EDA: variants seen among roughly 807,000 people sequenced by gnomAD.
The protein encoded by EDA is ectodysplasin A.
EDA carries 2 observed loss-of-function variants against 23.6 expected under a neutral mutation model. The ratio of observed to expected loss-of-function variants is 0.08; its 90% CI spans 0.03 to 0.27. The LOEUF (loss-of-function observed/expected upper bound fraction) is 0.27, where lower values mean the gene tolerates loss of function less well. Ranked by LOEUF, EDA falls within the 10% of genes least tolerant of loss-of-function variation. The pLI, the probability that EDA is intolerant of heterozygous loss-of-function variation, is 1.00. For missense variants in EDA, 229 were observed against 324.2 expected (o/e 0.71, Z 2.26); for synonymous variants, 131 against 132.0 (o/e 0.99, Z 0.05).
At chrX:69,932,928 T>TA (rs2018619029) in intron 1 of EDA, among the ~76,000 whole-genome samples, 1 of 109,828 alleles carries the variant, frequency 9.1e-6, no homozygotes, top group Non-Finnish European at 1.9e-5. Context: ...TGATGCTTTT[T>TA]AGTTCCTCTT....
intron 1 of EDA, among the ~76,000 whole-genome samples, chrX:69,932,131 A>C (rs1290596722): frequency 8.9e-6 from 1 of 111,801 alleles, no homozygotes. Context: ...CTAGAAAATG[A>C]AAACTGATCT....
intron 1 of EDA, among the ~76,000 whole-genome samples, chrX:69,910,159 A>G (rs2018238014): frequency 9.1e-6 from 1 of 109,740 alleles, no homozygotes; most frequent in Non-Finnish European, 1.9e-5. Context: ...GGTTTTTTTA[A>G]TTAATTATTT....
chrX:69,872,988 A>G (rs1477275673), intron 1 of EDA, among the ~76,000 whole-genome samples: 2 of 111,622 alleles, frequency 1.8e-5, no homozygotes, highest in African/African-American at 3.3e-5. Context: ...AAGATAGACC[A>G]TATGATAGGC....
intron 1 of EDA, among the ~76,000 whole-genome samples, chrX:69,756,719 G>A (rs893687105): frequency 6.3e-5 from 7 of 111,868 alleles, no homozygotes; most frequent in African/African-American, 1.3e-4. Flanking sequence ...TATTTCCCCC[G>A]TCTCTTGAAT....
chrX:70,022,816 C>T (rs746959767), intron 2 of EDA: 1 of 119,394 alleles, frequency 8.4e-6, no homozygotes, highest in Non-Finnish European at 1.8e-5. Flanking sequence ...TTGCTCCTTC[C>T]AAGTTCAACA....
intron 1 of EDA, among the ~76,000 whole-genome samples, chrX:69,956,488 C>G (rs2019009148): frequency 9.2e-6 from 1 of 108,489 alleles, no homozygotes; most frequent in South Asian, 4.0e-4. Flanking sequence ...ATTATAGGCA[C>G]CCCCCACCAC....
At chrX:69,759,427 T>A (rs778530563) in intron 1 of EDA, among the ~76,000 whole-genome samples, 30 of 112,173 alleles carry the variant, frequency 2.7e-4, no homozygotes, top group African/African-American at 9.7e-4. Flanking sequence ...TGCTAATTTT[T>A]TACTTTAAAA....
At chrX:69,791,383 CA>C (rs1180452927) in intron 1 of EDA, among the ~76,000 whole-genome samples, 33 of 110,839 alleles carry the variant, frequency 3.0e-4, no homozygotes, top group African/African-American at 9.8e-4. Context: ...TTTTGAAATA[CA>C]AAAAAATTTG....
chrX:69,692,477 A>T (rs1372202933), intron 1 of EDA, among the ~76,000 whole-genome samples: 1 of 111,870 alleles, frequency 8.9e-6, no homozygotes, highest in Non-Finnish European at 1.9e-5. Context: ...TGAATGAATG[A>T]GAAAAATTCA....
chrX:69,766,227 T>G (rs1264327865), intron 1 of EDA, among the ~76,000 whole-genome samples: 1 of 111,859 alleles, frequency 8.9e-6, no homozygotes, highest in Non-Finnish European at 1.9e-5. Flanking sequence ...GGCAAGTATA[T>G]TTTTTCAGTT....
chrX:69,919,762 T>C (rs769969627), intron 1 of EDA, among the ~76,000 whole-genome samples: 16 of 112,223 alleles, frequency 1.4e-4, no homozygotes, highest in Non-Finnish European at 2.3e-4. Context: ...TAATAAACTT[T>C]CAAATTATAT....
chrX:69,846,392 T>A (rs1272104248), intron 1 of EDA, among the ~76,000 whole-genome samples: 1 of 110,925 alleles, frequency 9.0e-6, no homozygotes, highest in Non-Finnish European at 1.9e-5. Context: ...CCTCCTGGGC[T>A]CAAGTGATTC....
At chrX:69,633,775 A>G (rs1932694538) in intron 1 of EDA, among the ~76,000 whole-genome samples, 1 of 112,293 alleles carries the variant, frequency 8.9e-6, no homozygotes, top group African/African-American at 3.2e-5. Flanking sequence ...TGAACATTTG[A>G]GTTGTTTCCA....
intron 1 of EDA, chrX:69,670,369 C>A: frequency 6.3e-6 from 2 of 317,500 alleles, no homozygotes; most frequent in Non-Finnish European, 5.5e-6. Context: ...TGATAGTGTA[C>A]CTTAGAGAGG....
intron 2 of EDA, among the ~76,000 whole-genome samples, chrX:70,006,217 C>G (rs1046289151): frequency 8.9e-6 from 1 of 111,994 alleles, no homozygotes; most frequent in Non-Finnish European, 1.9e-5. Flanking sequence ...AAGTTTTCAG[C>G]ACATTTGGGT....
At chrX:69,864,630 A>T (rs927831241) in intron 1 of EDA, among the ~76,000 whole-genome samples, 6 of 112,273 alleles carry the variant, frequency 5.3e-5, no homozygotes, top group Non-Finnish European at 9.4e-5. Flanking sequence ...ATTGCCAGAA[A>T]AATAATTCAG....
At chrX:69,994,832 G>A (rs908711834) in intron 2 of EDA, among the ~76,000 whole-genome samples, 2 of 112,196 alleles carry the variant, frequency 1.8e-5, no homozygotes, top group East Asian at 5.6e-4. Flanking sequence ...TAGAAGCAAA[G>A]CCTAGTAAAT....
chrX:69,668,315 A>G (rs911306880), intron 1 of EDA, among the ~76,000 whole-genome samples: 2 of 111,983 alleles, frequency 1.8e-5, no homozygotes. Flanking sequence ...ATTATGGTCT[A>G]AAGTGACACT....
chrX:69,912,772 T>TTC (rs1556030586), intron 1 of EDA, among the ~76,000 whole-genome samples: 6 of 75,018 alleles, frequency 8.0e-5, no homozygotes, highest in East Asian at 6.5e-4. Flanking sequence ...TTCTTTTCTT[T>TTC]TTTTTTTTTT....
Sources: allele counts gnomAD v4.1 joint callset (sites outside exome capture counted in the v4.1 genomes callset), GRCh38; gene constraint gnomAD v4.1.1; transcripts MANE v1.5; gene names NCBI Gene and HGNC (gene_info 2026-07-23, HGNC 2026-07-21).